Variants in GABRG3 observed in about 807,000 individuals in gnomAD.
GABRG3 encodes gamma-aminobutyric acid type A receptor subunit gamma3, also known as gamma-aminobutyric acid receptor subunit gamma-3.
GABRG3 carries 25 observed loss-of-function variants against 48.8 expected under a neutral mutation model. The observed-to-expected ratio is 0.51, with a 90% CI of 0.37 to 0.72. The LOEUF (loss-of-function observed/expected upper bound fraction) is 0.72, where lower values mean the gene tolerates loss of function less well. Ranked by LOEUF, GABRG3 falls within the 30% of genes least tolerant of loss-of-function variation. GABRG3 has a pLI of 0.00. For synonymous variants in GABRG3, 227 were observed against 217.6 expected (o/e 1.04, Z -0.38); for missense variants, 394 against 577.9 (o/e 0.68, Z 3.26).
At chr15:27,241,838 T>A (rs1890136947) in intron 3 of GABRG3, among the ~76,000 whole-genome samples, 1 of 152,244 alleles carries the variant, frequency 6.6e-6, no homozygotes, top group Non-Finnish European at 1.5e-5. Context: ...CTTTTAGTTT[T>A]TCTCATAAAA....
rs190266467 is a variant in GABRG3 at position 27,535,953 on chromosome 15, C to G, written c.*3072C>G. On this transcript the variant is annotated 3_prime_UTR_variant, in exon 10 of 10. Coordinates refer to ENST00000615808, the MANE Select transcript of GABRG3 (RefSeq NM_033223.5). ...TGCAAGGCTGTTCCACACAGCTAAG[C>G]CCCAGCTTGCTTTGCATGCAGAATT... is the stretch of plus-strand genomic sequence containing the variant. The G allele has an allele frequency of 1.3e-5, 2 of 152,252 alleles. No individual in the cohort carries two copies. Among genetic ancestry groups the G allele is most frequent in the Non-Finnish European group, 2.9e-5 (2 of 68,078 alleles). The allele number at this position is 152,252 out of a possible 1,614,324, so 9.4% of individuals were successfully genotyped here. A position where few individuals can be genotyped will look rare whatever the true frequency, so the allele number is the denominator to read the frequency against.
intron 3 of GABRG3, among the ~76,000 whole-genome samples, chr15:27,202,468 C>T (rs1888715765): frequency 6.6e-6 from 1 of 152,108 alleles, no homozygotes; most frequent in African/African-American, 2.4e-5. Context: ...GCTGGAAGCA[C>T]ATTTGTAAAT....
At chr15:27,209,586 C>T (rs1451091331) in intron 3 of GABRG3, among the ~76,000 whole-genome samples, 1 of 152,174 alleles carries the variant, frequency 6.6e-6, no homozygotes, top group Admixed American at 6.5e-5. Context: ...CCAGCAGGGG[C>T]ACCACACATG....
intron 3 of GABRG3, among the ~76,000 whole-genome samples, chr15:27,275,954 T>G (rs1171083019): frequency 6.6e-6 from 1 of 152,210 alleles, no homozygotes; most frequent in Non-Finnish European, 1.5e-5. Flanking sequence ...AATAATGACC[T>G]TCTGCAGGTT....
At chr15:27,430,249 A>G (rs1489024833) in intron 5 of GABRG3, among the ~76,000 whole-genome samples, 1 of 152,160 alleles carries the variant, frequency 6.6e-6, no homozygotes, top group Non-Finnish European at 1.5e-5. Context: ...CAATTGGGTT[A>G]TCATTTTTAT....
chr15:27,146,799 A>G lies in GABRG3; in HGVS notation c.270+119978A>G, dbSNP rs939714772. 3.3e-5 allele frequency among the ~76,000 whole-genome samples: 5 copies of G among 152,170 alleles called. No individual in the cohort carries two copies. The South Asian group carries it at 1.0e-3, about 32-fold the overall frequency. On this transcript the variant is annotated intron_variant, in intron 3 of 9. Transcript: ENST00000615808. ...GAAAATAACTAAAAAATAATGTAGTAAAAGAAAGGACAAGGGGATTAAAGT... is the reference window on the plus strand; with the variant it reads ...GAAAATAACTAAAAAATAATGTAGTGAAAGAAAGGACAAGGGGATTAAAGT...
At chr15:27,255,610 T>C (rs1408607731) in intron 3 of GABRG3, among the ~76,000 whole-genome samples, 2 of 152,146 alleles carry the variant, frequency 1.3e-5, no homozygotes, top group Non-Finnish European at 2.9e-5. Context: ...TTTGGAAATG[T>C]ATTGATGATC....
intron 3 of GABRG3, among the ~76,000 whole-genome samples, chr15:27,240,686 G>A (rs1476990073): frequency 6.6e-6 from 1 of 152,166 alleles, no homozygotes; most frequent in African/African-American, 2.4e-5. Flanking sequence ...TCTAAGCTTA[G>A]ATACTGGATA....
chr15:27,290,992 A>AAAATAAAT (rs1250779396), intron 3 of GABRG3, among the ~76,000 whole-genome samples: 2 of 152,138 alleles, frequency 1.3e-5, no homozygotes, highest in Admixed American at 1.3e-4. Flanking sequence ...TAATATTAAG[A>AAAATAAAT]AAATAAATAA....
At position 27,055,816 on chromosome 15, in the gene GABRG3, G is replaced by A. The variant is rs1248917272; in HGVS notation, c.270+28995G>A. Among the ~76,000 whole-genome samples, 3 of 152,048 alleles carry A rather than the reference G, an allele frequency of 2.0e-5. No homozygotes were observed. In the South Asian group the frequency reaches 6.2e-4, roughly 32 times the overall value. On this transcript the variant is annotated intron_variant, in intron 3 of 9. Transcript: ENST00000615808. ...AGATTATCAAAGGTTTGAGAACAAAGCAAAAGCATTCTCAAAAGTCATTGA... is the reference window on the plus strand; with the variant it reads ...AGATTATCAAAGGTTTGAGAACAAAACAAAAGCATTCTCAAAAGTCATTGA...
chr15:27,306,681 TATATGA>T (rs1566768819), intron 3 of GABRG3, among the ~76,000 whole-genome samples: 51 of 35,668 alleles, frequency 1.4e-3, no homozygotes, highest in Non-Finnish European at 2.1e-3. Context: ...TATAAACATA[TATATGA>T]ACATGTTTAT....
At chr15:27,247,399 C>T (rs1890302814) in intron 3 of GABRG3, among the ~76,000 whole-genome samples, 1 of 152,198 alleles carries the variant, frequency 6.6e-6, no homozygotes, top group East Asian at 1.9e-4. Flanking sequence ...CTGGTGCCTC[C>T]AAGAACAGTC....
intron 5 of GABRG3, among the ~76,000 whole-genome samples, chr15:27,359,139 G>A (rs950936308): frequency 6.6e-6 from 1 of 152,132 alleles, no homozygotes; most frequent in Non-Finnish European, 1.5e-5. Flanking sequence ...AGGCCACCCG[G>A]CCTCAGGCCC....
intron 3 of GABRG3, among the ~76,000 whole-genome samples, chr15:27,231,933 C>T (rs1208660063): frequency 1.3e-5 from 2 of 152,146 alleles, no homozygotes; most frequent in African/African-American, 2.4e-5. Context: ...TAATGCTACT[C>T]TCATTTACCT....
intron 3 of GABRG3, among the ~76,000 whole-genome samples, chr15:27,227,430 T>C (rs1889659949): frequency 1.3e-5 from 2 of 152,088 alleles, no homozygotes; most frequent in African/African-American, 2.4e-5. Context: ...CCTTAGGACA[T>C]TGAGGCTGCA....
At chr15:27,183,316 G>A (rs1301481499) in intron 3 of GABRG3, among the ~76,000 whole-genome samples, 1 of 152,154 alleles carries the variant, frequency 6.6e-6, no homozygotes, top group Non-Finnish European at 1.5e-5. Context: ...AAAGCATTAG[G>A]CTTGGCTTTG....
At chr15:27,445,545 A>G (rs1266498912) in intron 5 of GABRG3, among the ~76,000 whole-genome samples, 1 of 152,186 alleles carries the variant, frequency 6.6e-6, no homozygotes, top group Non-Finnish European at 1.5e-5. Flanking sequence ...GTCTTTTATT[A>G]CTAAGTTGTA....
chr15:27,359,734 GT>G (rs1894960462), intron 5 of GABRG3, among the ~76,000 whole-genome samples: 1 of 152,304 alleles, frequency 6.6e-6, no homozygotes, highest in South Asian at 2.1e-4. Context: ...GCATGTTGCG[GT>G]TTTTGAACGT....
intron 3 of GABRG3, among the ~76,000 whole-genome samples, chr15:27,257,464 A>C (rs553971546): frequency 6.6e-6 from 1 of 151,962 alleles, no homozygotes; most frequent in South Asian, 2.1e-4. Context: ...GACCAATGTC[A>C]TGGAGCTTTT....
Sources: allele counts gnomAD v4.1 joint callset (sites outside exome capture counted in the v4.1 genomes callset), GRCh38; gene constraint gnomAD v4.1.1; transcripts MANE v1.5; gene names NCBI Gene and HGNC (gene_info 2026-07-23, HGNC 2026-07-21).